Variants in SYCP2 observed in about 807,000 individuals in gnomAD.
The protein encoded by SYCP2 is synaptonemal complex protein 2, also known as synaptonemal complex lateral element protein.
A neutral mutation model predicts 211.3 loss-of-function variants in SYCP2; 55 were observed. That is an observed-to-expected ratio of 0.26 (90% confidence interval 0.21 to 0.33). SYCP2 has a LOEUF of 0.33. SYCP2 is among the 10% of genes least tolerant of loss of function. SYCP2 has a pLI of 1.00. For missense variants in SYCP2, 1,731 were observed against 1,752.0 expected (o/e 0.99, Z 0.21); for synonymous variants, 570 against 555.2 (o/e 1.03, Z -0.37).
intron 26 of SYCP2, among the ~76,000 whole-genome samples, chr20:59,883,221 C>T (rs1439223439): frequency 6.6e-6 from 1 of 151,960 alleles, no homozygotes; most frequent in East Asian, 1.9e-4. Context: ...TGGTGGCATG[C>T]ACCTGTAGTC....
chr20:59,868,321 T>C (rs2059388964), intron 38 of SYCP2, 92 bp downstream of exon 38: 2 of 1,347,550 alleles, frequency 1.5e-6, no homozygotes. Context: ...CAAAGTTGTC[T>C]TTACAAATTT....
intron 3 of SYCP2, among the ~76,000 whole-genome samples, chr20:59,922,067 C>T (rs1193014135): frequency 1.3e-5 from 2 of 151,532 alleles, no homozygotes; most frequent in East Asian, 3.9e-4. Flanking sequence ...TACACTTTAC[C>T]TAAATACACA....
Position 59,873,865 on chromosome 20 carries a change from T to C in SYCP2, c.3546A>G (p.Pro1182=), listed in dbSNP as rs1387292543. 1 of 1,607,302 alleles carries C rather than the reference T, an allele frequency of 6.2e-7. No individual in the cohort carries two copies. The highest frequency in any genetic ancestry group is 8.5e-7 in the Non-Finnish European group (1 of 1,177,866). The change falls in exon 35 of 45, where the codon CCA becomes CCG. Residue 1182 remains proline (P), a synonymous_variant. Coordinates refer to ENST00000357552, the MANE Select transcript of SYCP2 (RefSeq NM_014258.4). The part of the protein sequence containing the change: ...ASESCSPIPR[P]LFLPRHTPTK... ...ATATATACATTCTCACCAAAAACAG[T>C]GGTCGTGGAATTGGTGAACAACTTT...
chr20:59,897,062 T>A (rs1341225964), intron 18 of SYCP2, among the ~76,000 whole-genome samples: 1 of 152,166 alleles, frequency 6.6e-6, no homozygotes, highest in Non-Finnish European at 1.5e-5. Flanking sequence ...AATAAAGATT[T>A]GTTTTCTCCC....
chr20:59,924,061 A>C (rs1316449071), intron 2 of SYCP2, among the ~76,000 whole-genome samples: 5 of 151,964 alleles, frequency 3.3e-5, no homozygotes, highest in African/African-American at 7.2e-5. Flanking sequence ...TCCCACCTTC[A>C]TTCTGTTTCC....
At chr20:59,905,130 G>T (rs1263468369) in intron 15 of SYCP2, among the ~76,000 whole-genome samples, 1 of 152,150 alleles carries the variant, frequency 6.6e-6, no homozygotes, top group African/African-American at 2.4e-5. Context: ...AAAGGATGTA[G>T]AACAAATGGA....
At chr20:59,869,137 A>G (rs545214128) in intron 36 of SYCP2, among the ~76,000 whole-genome samples, 2 of 151,670 alleles carry the variant, frequency 1.3e-5, no homozygotes, top group Admixed American at 1.3e-4. Flanking sequence ...CTGTGATGTG[A>G]GCTACTTTTT....
chr20:59,916,882 G>C (rs560679636), intron 7 of SYCP2, among the ~76,000 whole-genome samples: 1 of 152,054 alleles, frequency 6.6e-6, no homozygotes, highest in African/African-American at 2.4e-5. Context: ...TCGTGCCACT[G>C]TACTCCAGCC....
At chr20:59,898,379 C>T (rs1312168495) in intron 18 of SYCP2, among the ~76,000 whole-genome samples, 1 of 152,170 alleles carries the variant, frequency 6.6e-6, no homozygotes, top group African/African-American at 2.4e-5. Context: ...TCATGGAATA[C>T]TATGCAGCCA....
At chr20:59,916,720 G>A (rs939107087) in intron 7 of SYCP2, 149 bp from the exon 8 acceptor site, 1 of 554,568 alleles carries the variant, frequency 1.8e-6, no homozygotes, top group Non-Finnish European at 3.2e-6. Flanking sequence ...TAGGTAGACT[G>A]CTTGAGCCCA....
rs6070976 is a variant in SYCP2 at position 59,864,267 on chromosome 20, C to G, written c.*44G>C. On this transcript the variant is annotated 3_prime_UTR_variant, in exon 45 of 45. Coordinates refer to ENST00000357552, the MANE Select transcript of SYCP2 (RefSeq NM_014258.4). Reference sequence around the variant, plus strand: ...CTATTCTTATTTCCTCAGTTATATACAGAGAATAATAATTAGATAAAGTAT... The same window carrying G: ...CTATTCTTATTTCCTCAGTTATATAGAGAGAATAATAATTAGATAAAGTAT... The G allele has an allele frequency of 0.028, 37,395 of 1,331,508 alleles. 607 individuals are homozygous for G. Among genetic ancestry groups the G allele is most frequent in the Middle Eastern group, 0.044 (237 of 5,326 alleles). The allele number at this position is 1,331,508 out of a possible 1,614,324, so 82.5% of individuals were successfully genotyped here.
At chr20:59,894,907 G>A (rs1432823667) in intron 20 of SYCP2, among the ~76,000 whole-genome samples, 1 of 151,796 alleles carries the variant, frequency 6.6e-6, no homozygotes, top group Admixed American at 6.6e-5. Context: ...ACTCTTTATT[G>A]ACCTTTCAAA....
At chr20:59,901,379 T>C (rs148790906) in intron 16 of SYCP2, among the ~76,000 whole-genome samples, 44 of 152,230 alleles carry the variant, frequency 2.9e-4, no homozygotes, top group African/African-American at 1.0e-3. Context: ...ATGTTTAAGA[T>C]CTTGAAAACA....
intron 38 of SYCP2, 45 bp downstream of exon 38, chr20:59,868,368 C>T: frequency 6.4e-7 from 1 of 1,574,242 alleles, no homozygotes; most frequent in South Asian, 1.2e-5. Context: ...ATAAGAACCA[C>T]CCTCCAAATA....
intron 35 of SYCP2, among the ~76,000 whole-genome samples, 198 bp from the exon 36 acceptor site, chr20:59,870,181 C>G (rs904982900): frequency 1.3e-5 from 2 of 151,778 alleles, no homozygotes; most frequent in East Asian, 3.9e-4. Context: ...TGACCAAAAC[C>G]TGTAGATAAG....
Position 59,922,613 on chromosome 20 carries a change from G to A in SYCP2, c.-46-154C>T, listed in dbSNP as rs1568985682. ...CACCTGTTTATTAAATTACACATTT[G>A]AATATGATCAAATAAGTTTCTAGAG... On this transcript the variant is annotated intron_variant, in intron 2 of 44. Transcript: ENST00000357552. Among the ~76,000 whole-genome samples, 4 of 151,746 alleles carry A rather than the reference G, an allele frequency of 2.6e-5. No homozygotes were observed. In the East Asian group the frequency reaches 5.8e-4, roughly 22 times the overall value.
chr20:59,896,125 G>A (rs1193139294), intron 19 of SYCP2, among the ~76,000 whole-genome samples: 1 of 152,018 alleles, frequency 6.6e-6, no homozygotes, highest in Non-Finnish European at 1.5e-5. Flanking sequence ...AAAGTACACA[G>A]CTGGAAGTGG....
chr20:59,919,142 T>C lies in SYCP2; in HGVS notation c.427+16A>G. ...TAAAATTTATTGTTCCAATAGAAAATAAGTGTTTATTATACCTTCATCACT... is the reference window on the plus strand; with the variant it reads ...TAAAATTTATTGTTCCAATAGAAAACAAGTGTTTATTATACCTTCATCACT... On this transcript the variant is annotated intron_variant, in intron 7 of 44. Coordinates refer to ENST00000357552, the MANE Select transcript of SYCP2 (RefSeq NM_014258.4). 8.1e-7 allele frequency: 1 copy of C among 1,231,892 alleles called. No individual in the cohort carries two copies. The highest frequency in any genetic ancestry group is 2.0e-4 in the Middle Eastern group (1 of 5,076). 76.3% of individuals were successfully genotyped at this position (1,231,892 alleles called of 1,614,324 possible). A position where few individuals can be genotyped will look rare whatever the true frequency, so the allele number is the denominator to read the frequency against.
chr20:59,885,668 G>A (rs567303693), intron 26 of SYCP2, among the ~76,000 whole-genome samples: 22 of 152,090 alleles, frequency 1.4e-4, no homozygotes, highest in East Asian at 5.8e-4. Flanking sequence ...GCGCACGCGC[G>A]ATAAGGATAT....
Sources: allele counts gnomAD v4.1 joint callset (sites outside exome capture counted in the v4.1 genomes callset), GRCh38; gene constraint gnomAD v4.1.1; transcripts MANE v1.5; gene names NCBI Gene and HGNC (gene_info 2026-07-23, HGNC 2026-07-21).